The following NFAT5 variants were observed in gnomAD, a reference collection of about 807,000 sequenced individuals.
NFAT5 encodes nuclear factor of activated T-cells 5.
NFAT5 carries 31 observed loss-of-function variants against 166.5 expected under a neutral mutation model. The ratio of observed to expected loss-of-function variants is 0.19; its 90% CI spans 0.14 to 0.25. NFAT5 has a LOEUF of 0.25. NFAT5 is among the 10% of genes least tolerant of loss of function. The pLI is 1.00. For missense variants in NFAT5, 1,449 were observed against 1,821.8 expected, an observed-to-expected ratio of 0.80 and a Z score of 3.72; for synonymous variants, 612 against 639.7, an observed-to-expected ratio of 0.96 and a Z score of 0.65.
At chr16:69,685,184 ATATATAT>A (rs1024494485) in intron 11 of NFAT5, 22 of 119,242 alleles carry the variant, frequency 1.8e-4, no homozygotes, top group South Asian at 8.4e-4. Context: ...ATATATATAT[ATATATAT>A]TTTTTTTTTT....
intron 2 of NFAT5, among the ~76,000 whole-genome samples, chr16:69,625,304 A>T (rs904922140): frequency 2.6e-5 from 4 of 151,926 alleles, no homozygotes; most frequent in African/African-American, 9.7e-5. Context: ...AGGATATTTT[A>T]AAAAGTTAAA....
Position 69,566,325 on chromosome 16 carries a change from G to C in NFAT5, c.24G>C (p.Leu8Phe), listed in dbSNP as rs1476082248. 5.0e-6 allele frequency: 8 copies of C among 1,608,146 alleles called. No individual in the cohort carries two copies. Among genetic ancestry groups the C allele is most frequent in the Non-Finnish European group, 6.8e-6 (8 of 1,178,302 alleles). MPSDFIS[L>F]LSADLDLESP... ...CGATGCCCTCGGACTTCATCTCATT[G>C]CTCAGCGCGGACCTAGACCTGGAAT... The change falls in exon 1 of 15, where the codon TTG (leucine) becomes TTC (phenylalanine). Residue 8 changes from leucine to phenylalanine, a missense_variant. Physicochemically the swap from Leu to Phe is conservative, Grantham distance 22 (BLOSUM62 0). Around this residue, in one of 7 missense-constraint regions of NFAT5, gnomAD observed 172 missense variants for 194.5 expected, o/e 0.88. Coordinates refer to ENST00000349945, the MANE Select transcript of NFAT5 (RefSeq NM_138713.4). This position sits in a 1 kb window ranked among gnomAD's most constrained non-coding sequence, Gnocchi z 5.7.
intron 2 of NFAT5, among the ~76,000 whole-genome samples, chr16:69,577,749 G>A (rs535936696): frequency 2.4e-4 from 37 of 152,084 alleles, no homozygotes; most frequent in Admixed American, 5.2e-4. Context: ...AAAACTCATA[G>A]AACATTTAAA....
chr16:69,595,280 G>A lies in NFAT5; in HGVS notation c.127+26732G>A, dbSNP rs570024654. Among the ~76,000 whole-genome samples the A allele has an allele frequency of 3.9e-5, 6 of 152,294 alleles. No homozygotes were observed. The South Asian group carries it at 1.2e-3, about 32-fold the overall frequency. On this transcript the variant is annotated intron_variant, in intron 2 of 14. Transcript: ENST00000349945. ...CTGTATTCACCCTTCTTATAATGAT[G>A]TAAGATGATACAGTGCCGATGTGAT...
In NFAT5 at chr16:69,612,264, C is replaced by A. The variant is rs139852831; in HGVS notation, c.128-14139C>A. ...AGAGAAGACATGACATAGTTTTGGT[C>A]CATGAAGGGTTTTCAACCCATTTGG... On this transcript the variant is annotated intron_variant, in intron 2 of 14. Transcript: ENST00000349945. Among the ~76,000 whole-genome samples, 1,101 of 152,168 alleles carry A rather than the reference C, an allele frequency of 7.2e-3. 60 individuals are homozygous for A. The highest frequency in any genetic ancestry group is 0.067 in the Admixed American group (1,025 of 15,294).
chr16:69,699,353 G>A lies in NFAT5; in HGVS notation c.*3002G>A, dbSNP rs1440046729. The A allele has an allele frequency of 6.6e-6, 1 of 152,666 alleles. No individual in the cohort carries two copies. Among genetic ancestry groups the A allele is most frequent in the Admixed American group, 6.5e-5 (1 of 15,284 alleles). The allele number at this position is 152,666 out of a possible 1,614,324, so 9.5% of individuals were successfully genotyped here. ...TAAGTTTAGAACAGAATATATACCT[G>A]AACTGTAGTGGTTTGATCGGATGGA... On this transcript the variant is annotated 3_prime_UTR_variant, in exon 15 of 15. Transcript: ENST00000349945.
intron 2 of NFAT5, among the ~76,000 whole-genome samples, chr16:69,624,171 TAAC>T (rs1344480575): frequency 1.3e-5 from 2 of 152,166 alleles, no homozygotes; most frequent in Admixed American, 6.5e-5. Flanking sequence ...AAGCATTAGG[TAAC>T]AACATTTTTC....
chr16:69,616,690 T>C (rs2033960603), intron 2 of NFAT5, among the ~76,000 whole-genome samples: 1 of 152,078 alleles, frequency 6.6e-6, no homozygotes, highest in African/African-American at 2.4e-5. Flanking sequence ...TCACCCTGCT[T>C]AGGCTCTGAC....
chr16:69,647,200 A>C lies in NFAT5; in HGVS notation c.426A>C (p.Leu142Phe), dbSNP rs1196963400. 6.2e-7 allele frequency: 1 copy of C among 1,614,012 alleles called. No individual in the cohort carries two copies. The highest frequency in any genetic ancestry group is 8.5e-7 in the Non-Finnish European group (1 of 1,179,974). Reference protein sequence around the residue: ...VSNRGVSEKQLTSNTVQQHPS... With the variant: ...VSNRGVSEKQFTSNTVQQHPS... ...ACAGAGGGGTAAGTGAAAAGCAGTT[A>C]ACCAGTAACACAGTTCAGCAGCATC... is the stretch of plus-strand genomic sequence containing the variant. The change falls in exon 4 of 15, where the codon TTA becomes TTC. Residue 142 changes from leucine to phenylalanine, a missense_variant. By Grantham distance (22) the Leu-to-Phe change is conservative. This residue lies in a region of NFAT5 where 172 missense variants were observed against 194.5 expected (regional missense o/e 0.88). Coordinates refer to ENST00000349945, the MANE Select transcript of NFAT5 (RefSeq NM_138713.4). The surrounding 1 kb of genome is among the most constrained non-coding windows in gnomAD (Gnocchi z 4.8).
chr16:69,677,269 A>G lies in NFAT5; in HGVS notation c.1624A>G (p.Ile542Val). 6.2e-7 allele frequency: 1 copy of G among 1,612,512 alleles called. No homozygotes were observed. The highest frequency in any genetic ancestry group is 8.5e-7 in the Non-Finnish European group (1 of 1,179,272). ...QHITLPVSVG[I>V]YVVTNAGRSH... ...TATAACTTTGCCTGTGTCAGTGGGAATATATGTAGTGACAAATGCTGGAAG... is the reference window on the plus strand; with the variant it reads ...TATAACTTTGCCTGTGTCAGTGGGAGTATATGTAGTGACAAATGCTGGAAG... The change falls in exon 10 of 15, where the codon ATA (isoleucine) becomes GTA (valine). Residue 542 changes from isoleucine (I) to valine (V), a missense_variant. Around this residue, in one of 7 missense-constraint regions of NFAT5, gnomAD observed 245 missense variants for 366.6 expected, o/e 0.67. Coordinates refer to ENST00000349945, the MANE Select transcript of NFAT5 (RefSeq NM_138713.4).
intron 7 of NFAT5, among the ~76,000 whole-genome samples, chr16:69,668,671 A>G (rs920194777): frequency 4.0e-5 from 6 of 151,854 alleles, no homozygotes; most frequent in African/African-American, 1.2e-4. Flanking sequence ...CTGACTCTGA[A>G]TTTATTTTTA....
chr16:69,581,959 A>G (rs772380152), intron 2 of NFAT5, among the ~76,000 whole-genome samples: 3 of 152,076 alleles, frequency 2.0e-5, no homozygotes, highest in Non-Finnish European at 4.4e-5. Context: ...AATTTTTCTC[A>G]CTTTAAAATT....
chr16:69,702,314 T>C lies in NFAT5; in HGVS notation c.*5963T>C, dbSNP rs187197832. 233 of 152,756 alleles carry C rather than the reference T, an allele frequency of 1.5e-3. 2 individuals carry two copies. The highest frequency in any genetic ancestry group is 5.4e-3 in the South Asian group (26 of 4,830). 9.5% of individuals were successfully genotyped at this position (152,756 alleles called of 1,614,324 possible). ...TATATGGATTTTTCTAAAATGACTA[T>C]ATAGGACTTAAGACTTTGAAATGTA... On this transcript the variant is annotated 3_prime_UTR_variant, in exon 15 of 15. Transcript: ENST00000349945.
chr16:69,569,189 T>C (rs1215841895), intron 2 of NFAT5, among the ~76,000 whole-genome samples: 1 of 152,152 alleles, frequency 6.6e-6, no homozygotes, highest in Non-Finnish European at 1.5e-5. Flanking sequence ...AGACATAAAA[T>C]AGTCTTGTGT....
rs2037718491 is a variant in NFAT5 at position 69,695,180 on chromosome 16, C to G, written c.4459C>G (p.Gln1487Glu). The G allele has an allele frequency of 3.7e-6, 6 of 1,614,046 alleles. No homozygotes were observed. The highest frequency in any genetic ancestry group is 2.7e-5 in the African/African-American group (2 of 74,920). Reference sequence around the variant, plus strand: ...CTCTGGACCAGCTACATTGCCTGATCAGTTGATGGCCATAAGTCAGCCAGG... The same window carrying G: ...CTCTGGACCAGCTACATTGCCTGATGAGTTGATGGCCATAAGTCAGCCAGG... ...LTSGPATLPD[Q>E]LMAISQPGQP... The change falls in exon 14 of 15, where the codon CAG becomes GAG. Residue 1487 changes from glutamine to glutamate, a missense_variant. By Grantham distance (29) the Gln-to-Glu change is conservative. This residue lies in a region of NFAT5 where 891 missense variants were observed against 993.0 expected (regional missense o/e 0.90). Coordinates refer to ENST00000349945, the MANE Select transcript of NFAT5 (RefSeq NM_138713.4).
intron 7 of NFAT5, among the ~76,000 whole-genome samples, chr16:69,666,276 T>C (rs1255545932): frequency 1.3e-5 from 2 of 151,250 alleles, no homozygotes; most frequent in African/African-American, 2.4e-5. Flanking sequence ...ACTTCATGTC[T>C]AAAACACCAA....
Position 69,698,378 on chromosome 16 carries a change from T to TA in NFAT5, c.*2028dup, listed in dbSNP as rs2037828899. The TA allele has an allele frequency of 6.6e-6, 1 of 152,372 alleles. No homozygotes were observed. The highest frequency in any genetic ancestry group is 6.6e-5 in the Admixed American group (1 of 15,256). The allele number at this position is 152,372 out of a possible 1,614,324, so 9.4% of individuals were successfully genotyped here. The stretch of plus-strand genomic sequence containing the variant: ...TACTGAGTGAGTACATTGGCATAAA[T>TA]ATAGAAATTTATATATATACATATA... On this transcript the variant is annotated 3_prime_UTR_variant, in exon 15 of 15. Transcript: ENST00000349945.
intron 2 of NFAT5, among the ~76,000 whole-genome samples, chr16:69,625,348 T>A (rs571878038): frequency 1.5e-4 from 23 of 151,962 alleles, no homozygotes; most frequent in African/African-American, 4.8e-4. Context: ...TATGGGCAAT[T>A]ATAGTATTAC....
intron 5 of NFAT5, among the ~76,000 whole-genome samples, chr16:69,655,406 T>C (rs1374550948): frequency 6.6e-6 from 1 of 152,154 alleles, no homozygotes; most frequent in Non-Finnish European, 1.5e-5. Context: ...AGTATAGTTA[T>C]TACAGAATTA....
Sources: allele counts gnomAD v4.1 joint callset (sites outside exome capture counted in the v4.1 genomes callset), GRCh38; gene constraint gnomAD v4.1.1; regional missense constraint gnomAD v4.1.1; non-coding constraint Gnocchi (gnomAD v3.1); transcripts MANE v1.5; gene names NCBI Gene and HGNC (gene_info 2026-07-23, HGNC 2026-07-21).